TAF9: variants seen among roughly 807,000 people sequenced by gnomAD.
TAF9 encodes the protein TATA-box binding protein associated factor 9.
A neutral mutation model predicts 16.5 loss-of-function variants in TAF9; 10 were observed. The ratio of observed to expected loss-of-function variants is 0.61; its 90% CI spans 0.37 to 1.03. The LOEUF (loss-of-function observed/expected upper bound fraction) is 1.03, where lower values mean the gene tolerates loss of function less well. Among genes scored for constraint, TAF9 ranks in the 50% least tolerant of loss-of-function variants. TAF9 has a pLI of 0.01. For missense variants in TAF9, 288 were observed against 319.1 expected, an observed-to-expected ratio of 0.90 and a Z score of 0.74; for synonymous variants, 105 against 120.5, an observed-to-expected ratio of 0.87 and a Z score of 0.84.
Position 69,364,843 on chromosome 5 carries a change from A to G in TAF9, c.*100T>C, listed in dbSNP as rs1762345544. 2 of 1,026,060 alleles carry G rather than the reference A, an allele frequency of 1.9e-6. No individual in the cohort carries two copies. The highest frequency in any genetic ancestry group is 2.9e-6 in the Non-Finnish European group (2 of 697,710). The allele number at this position is 1,026,060 out of a possible 1,614,324, so 63.6% of individuals were successfully genotyped here. On this transcript the variant is annotated 3_prime_UTR_variant, in exon 3 of 3. Transcript: ENST00000217893. ...GTAACTGTGTTTACTCATTATTATT[A>G]GTTTTCTAAAACACAACTTGAAAAC...
In TAF9 at chr5:69,366,539, G is replaced by A. The variant is rs146529971; in HGVS notation, c.-54C>T. 7.7e-4 allele frequency: 1,249 copies of A among 1,613,838 alleles called. 11 individuals carry two copies. The African/African-American group carries it at 0.015, about 19-fold the overall frequency. Reference sequence around the variant, plus strand: ...AAATCACCCACATTAATGTATTTCAGTCCTGATTTTGACGCAAGTTCTTTG... The same window carrying A: ...AAATCACCCACATTAATGTATTTCAATCCTGATTTTGACGCAAGTTCTTTG... On this transcript the variant is annotated 5_prime_UTR_variant, in exon 2 of 3. Coordinates refer to ENST00000217893, the MANE Select transcript of TAF9 (RefSeq NM_003187.5).
At position 69,365,132 on chromosome 5, in the gene TAF9, TG is replaced by T. The variant is rs968721837; in HGVS notation, c.605del (p.Ser202Ter). The T allele has an allele frequency of 6.2e-7, 1 of 1,614,116 alleles. No individual in the cohort carries two copies. The highest frequency in any genetic ancestry group is 8.5e-7 in the Non-Finnish European group (1 of 1,180,046). On this transcript the variant is annotated frameshift_variant, in exon 3 of 3. Coordinates refer to ENST00000217893, the MANE Select transcript of TAF9 (RefSeq NM_003187.5). LOFTEE classifies it high-confidence loss of function. ...TCTGAACTGCTGAGGTTGCAGGAAT[TG>T]AAGCTTTTACAGCTGGAGACTGAGA... ...PTSQSPAVKASIPATSAVQNV... is the reference protein window; with the variant it reads ...PTSQSPAVKAXIPATSAVQNV...
Position 69,369,487 on chromosome 5 carries a change from A to C in TAF9, c.-135T>G. 2 of 1,611,392 alleles carry C rather than the reference A, an allele frequency of 1.2e-6. No homozygotes were observed. Among genetic ancestry groups the C allele is most frequent in the Non-Finnish European group, 1.7e-6 (2 of 1,179,302 alleles). On this transcript the variant is annotated 5_prime_UTR_variant, in exon 1 of 3. Transcript: ENST00000217893. ...CCGGTGAGCAGGATGTTCGGAAGCAACATGGTCCCCGCCGCGACGGCTTCG... is the reference window on the plus strand; with the variant it reads ...CCGGTGAGCAGGATGTTCGGAAGCACCATGGTCCCCGCCGCGACGGCTTCG...
chr5:69,367,395 AG>A (rs1762484135), intron 1 of TAF9, among the ~76,000 whole-genome samples: 1 of 151,310 alleles, frequency 6.6e-6, no homozygotes, highest in Non-Finnish European at 1.5e-5. Context: ...CTGTAATCCC[AG>A]CTACTCAGGA....
chr5:69,366,617 A>C, intron 1 of TAF9, 22 bp from the exon 2 acceptor site: 2 of 1,562,942 alleles, frequency 1.3e-6, no homozygotes, highest in Non-Finnish European at 1.8e-6. Flanking sequence ...GCCACAGAAA[A>C]ATACTGTTTG....
chr5:69,369,609 C>G, upstream of TAF9: 5 of 1,582,212 alleles, frequency 3.2e-6, no homozygotes, highest in Non-Finnish European at 4.3e-6. Flanking sequence ...AAGCCCACCG[C>G]GGCGCCCCTA....
At chr5:69,367,381 G>T (rs1217218495) in intron 1 of TAF9, among the ~76,000 whole-genome samples, 1 of 151,350 alleles carries the variant, frequency 6.6e-6, no homozygotes, top group Admixed American at 6.6e-5. Flanking sequence ...GTGGTGGCGC[G>T]TGCCTGTAAT....
Position 69,365,556 on chromosome 5 carries a change from G to C in TAF9, c.182C>G (p.Ala61Gly). Residue 61 changes from alanine (A) to glycine (G), a missense_variant, in exon 3 of 3, where the codon GCT becomes GGT. Physicochemically the swap from Ala to Gly is moderately conservative, Grantham distance 60. Coordinates refer to ENST00000217893, the MANE Select transcript of TAF9 (RefSeq NM_003187.5). ...ATCTGCATCAACAGTAGCTTTCTTA[G>C]CATGGCTTGAATAAATTTTTGCATC... Reference protein sequence around the residue: ...LDDAKIYSSHAKKATVDADDV... With the variant: ...LDDAKIYSSHGKKATVDADDV... The C allele has an allele frequency of 6.2e-7, 1 of 1,614,002 alleles. No homozygotes were observed. The highest frequency in any genetic ancestry group is 1.1e-5 in the South Asian group (1 of 91,044).
At chr5:69,367,836 C>A (rs1174538740) in intron 1 of TAF9, 1 of 152,166 alleles carries the variant, frequency 6.6e-6, no homozygotes, top group African/African-American at 2.4e-5. Flanking sequence ...ATGAGCCACC[C>A]ACCTGGCCTA....
chr5:69,368,341 C>T (rs1738828513), intron 1 of TAF9, among the ~76,000 whole-genome samples: 1 of 152,108 alleles, frequency 6.6e-6, no homozygotes, highest in African/African-American at 2.4e-5. Context: ...TAAACTTAAG[C>T]ATAAAGATAA....
intron 2 of TAF9, among the ~76,000 whole-genome samples, chr5:69,365,995 C>T (rs558298616): frequency 5.5e-4 from 83 of 151,990 alleles, no homozygotes; most frequent in African/African-American, 1.7e-3. Flanking sequence ...AATAAGGGAG[C>T]GATGAAAGAT....
intron 1 of TAF9, 45 bp from the exon 2 acceptor site, chr5:69,366,640 TA>T: frequency 1.5e-6 from 2 of 1,354,922 alleles, no homozygotes; most frequent in Middle Eastern, 1.8e-4. Context: ...AAATACTACT[TA>T]TCACACTGCG....
Position 69,365,487 on chromosome 5 carries a change from G to A in TAF9, c.251C>T (p.Thr84Ile), listed in dbSNP as rs1762382709. ...TAAAAAATCTCTTGGGGGAGGAGAG[G>A]TAAAAGACTGATCAGCGCGGCACTG... ...AIQCRADQSF[T>I]SPPPRDFLLD... Residue 84 changes from threonine to isoleucine, a missense_variant, in exon 3 of 3, where the codon ACC becomes ATC. Physicochemically the swap from Thr to Ile is moderately conservative, Grantham distance 89 (BLOSUM62 -1). Coordinates refer to ENST00000217893, the MANE Select transcript of TAF9 (RefSeq NM_003187.5). The A allele has an allele frequency of 6.2e-7, 1 of 1,614,108 alleles. No individual in the cohort carries two copies. Among genetic ancestry groups the A allele is most frequent in the African/African-American group, 1.3e-5 (1 of 75,028 alleles).
intron 1 of TAF9, chr5:69,368,916 A>C (rs1336528623): frequency 2.0e-5 from 3 of 153,240 alleles, no homozygotes; most frequent in African/African-American, 7.2e-5. Context: ...GGATCCTTTG[A>C]TGTAACTCAA....
intron 1 of TAF9, 149 bp from the exon 2 acceptor site, chr5:69,366,744 TA>T: frequency 3.2e-6 from 2 of 634,756 alleles, no homozygotes; most frequent in Non-Finnish European, 5.5e-6. Context: ...AAAAATTTCC[TA>T]ATTAGCAATC....
intron 1 of TAF9, chr5:69,369,243 C>CCCCCCCCCCCCCCCCCCCCCCCA: frequency 3.8e-6 from 1 of 261,300 alleles, no homozygotes; most frequent in Non-Finnish European, 7.1e-6. Context: ...CCCGCCCCCC[C>CCCCCCCCCCCCCCCCCCCCCCCA]CCGGAGCCTC....
rs750481634 is a variant in TAF9 at position 69,365,484 on chromosome 5, G to A, written c.254C>T (p.Ser85Phe). 1 of 1,614,166 alleles carries A rather than the reference G, an allele frequency of 6.2e-7. No homozygotes were observed. Among genetic ancestry groups the A allele is most frequent in the Non-Finnish European group, 8.5e-7 (1 of 1,180,020 alleles). Residue 85 changes from serine to phenylalanine, a missense_variant, in exon 3 of 3, where the codon TCT becomes TTT. Coordinates refer to ENST00000217893, the MANE Select transcript of TAF9 (RefSeq NM_003187.5). ...IQCRADQSFT[S>F]PPPRDFLLDI... Reference sequence around the variant, plus strand: ...TAATAAAAAATCTCTTGGGGGAGGAGAGGTAAAAGACTGATCAGCGCGGCA... The same window carrying A: ...TAATAAAAAATCTCTTGGGGGAGGAAAGGTAAAAGACTGATCAGCGCGGCA...
intron 1 of TAF9, chr5:69,369,008 A>G (rs1436720097): frequency 5.7e-6 from 1 of 174,086 alleles, no homozygotes; most frequent in East Asian, 1.6e-4. Context: ...TATCAGAAGC[A>G]AAGAAAAAAT....
chr5:69,365,333 C>G lies in TAF9; in HGVS notation c.405G>C (p.Lys135Asn). Residue 135 changes from lysine to asparagine, a missense_variant, in exon 3 of 3, where the codon AAG becomes AAC. By Grantham distance (94) the Lys-to-Asn change is moderately conservative (BLOSUM62 0). Coordinates refer to ENST00000217893, the MANE Select transcript of TAF9 (RefSeq NM_003187.5). ...TTATTCTTCCCGCAGAAGTTGATGC[C>G]TTTTTCTGTAAAGATTTCAGCCTAT... ...PNYRLKSLQK[K>N]ASTSAGRITV... 6.2e-7 allele frequency: 1 copy of G among 1,614,194 alleles called. No individual in the cohort carries two copies.
Sources: allele counts gnomAD v4.1 joint callset (sites outside exome capture counted in the v4.1 genomes callset), GRCh38; gene constraint gnomAD v4.1.1; transcripts MANE v1.5; gene names NCBI Gene and HGNC (gene_info 2026-07-23, HGNC 2026-07-21).